The following HRH2 variants were observed in gnomAD, a reference collection of about 807,000 sequenced individuals.
HRH2 encodes the protein histamine H2 receptor.
A neutral mutation model predicts 20.1 loss-of-function variants in HRH2; 4 were observed. The ratio of observed to expected loss-of-function variants is 0.20; its 90% CI spans 0.10 to 0.45. The LOEUF is 0.45. Among genes scored for constraint, HRH2 ranks in the 20% least tolerant of loss-of-function variants. HRH2 has a pLI of 0.99. For missense variants in HRH2, 250 were observed against 461.6 expected (o/e 0.54, Z 4.20); for synonymous variants, 197 against 200.7 (o/e 0.98, Z 0.16).
At chr5:175,680,059 G>A (rs647384) in intron 1 of HRH2, among the ~76,000 whole-genome samples, 2,551 of 152,258 alleles carry the variant, frequency 0.017, 63 homozygotes, top group African/African-American at 0.052. Flanking sequence ...GCATGGTATC[G>A]CTTTGCCCAG....
In HRH2 at chr5:175,707,885, G is replaced by A. The variant is rs1581474650; in HGVS notation, c.1183G>A (p.Glu395Lys). The change falls in exon 3 of 3, where the codon GAG (glutamate) becomes AAG (lysine). Residue 395 changes from glutamate to lysine, a missense_variant. By Grantham distance (56) the Glu-to-Lys change is moderately conservative (BLOSUM62 1). Coordinates refer to ENST00000636584, the MANE Select transcript of HRH2 (RefSeq NM_001367711.1). ...GAGACACATGGGAGGCCCCTCGGAG[G>A]AGCTATCGGGGGAGCCACTGTCTGA... ...LQRHMGGPSE[E>K]LSGEPLSEEP... 6 of 399,236 alleles carry A rather than the reference G, an allele frequency of 1.5e-5. No individual in the cohort carries two copies. Among genetic ancestry groups the A allele is most frequent in the East Asian group, 1.1e-4 (3 of 28,082 alleles). The allele number at this position is 399,236 out of a possible 1,614,324, so 24.7% of individuals were successfully genotyped here.
At chr5:175,670,181 C>T (rs568338100) in intron 1 of HRH2, among the ~76,000 whole-genome samples, 2 of 152,278 alleles carry the variant, frequency 1.3e-5, no homozygotes, top group Admixed American at 1.3e-4. Flanking sequence ...GCCTGTAATC[C>T]CAGCTACTCA....
chr5:175,681,971 G>A lies in HRH2; in HGVS notation c.-525-738G>A, dbSNP rs1337368234. Reference sequence around the variant, plus strand: ...CTGGCTTTGTACAGCCCGTGGCTAAGAATGGTTTTTACATTTTTAAATTTT... The same window carrying A: ...CTGGCTTTGTACAGCCCGTGGCTAAAAATGGTTTTTACATTTTTAAATTTT... On this transcript the variant is annotated intron_variant, in intron 1 of 2. Transcript: ENST00000636584. This position sits in a 1 kb window ranked among gnomAD's most constrained non-coding sequence, Gnocchi z 4.3. 6.6e-6 allele frequency among the ~76,000 whole-genome samples: 1 copy of A among 152,198 alleles called. No individual in the cohort carries two copies. Among genetic ancestry groups the A allele is most frequent in the African/African-American group, 2.4e-5 (1 of 41,442 alleles).
chr5:175,683,776 G>T lies in HRH2; in HGVS notation c.543G>T (p.Val181=). 1 of 1,614,128 alleles carries T rather than the reference G, an allele frequency of 6.2e-7. No homozygotes were observed. Among genetic ancestry groups the T allele is most frequent in the Non-Finnish European group, 8.5e-7 (1 of 1,180,020 alleles). Residue 181 remains valine, a synonymous_variant, in exon 2 of 3, where the codon GTG becomes GTT. Coordinates refer to ENST00000636584, the MANE Select transcript of HRH2 (RefSeq NM_001367711.1). ...TSKCKVQVNE[V]YGLVDGLVTF... ...AGTGCAAAGTCCAGGTCAATGAAGT[G>T]TACGGGCTGGTGGATGGGCTGGTCA...
intron 2 of HRH2, chr5:175,685,795 A>G (rs1756152190): frequency 7.0e-6 from 3 of 428,648 alleles, no homozygotes; most frequent in South Asian, 6.3e-5. Context: ...ACATAAGTCC[A>G]CGCTGGAGCG....
chr5:175,668,382 A>AC (rs1429997228), intron 1 of HRH2, among the ~76,000 whole-genome samples: 8 of 151,614 alleles, frequency 5.3e-5, no homozygotes, highest in Admixed American at 3.3e-4. Context: ...TGAGGCAGAG[A>AC]CCCCCCCAGC....
chr5:175,665,579 C>T (rs1231120314), intron 1 of HRH2, among the ~76,000 whole-genome samples: 1 of 152,156 alleles, frequency 6.6e-6, no homozygotes, highest in Non-Finnish European at 1.5e-5. Context: ...TGCTTCCAGG[C>T]ACAGAGCACT....
chr5:175,691,257 G>C (rs1340131989), intron 2 of HRH2: 1 of 152,438 alleles, frequency 6.6e-6, no homozygotes, highest in Non-Finnish European at 1.5e-5. Context: ...TCCCACTCCT[G>C]GAGAGGAAGT....
At chr5:175,679,958 C>A (rs1474581294) in intron 1 of HRH2, among the ~76,000 whole-genome samples, 1 of 152,214 alleles carries the variant, frequency 6.6e-6, no homozygotes, top group East Asian at 1.9e-4. Flanking sequence ...CACCTGGCCT[C>A]TTTGAGCCTC....
intron 1 of HRH2, among the ~76,000 whole-genome samples, chr5:175,676,311 G>A (rs929268952): frequency 1.2e-4 from 19 of 152,204 alleles, no homozygotes; most frequent in Non-Finnish European, 2.6e-4. Context: ...TCTGGTATGC[G>A]CACATCCACG....
At chr5:175,694,006 G>A (rs1270605993) in intron 2 of HRH2, among the ~76,000 whole-genome samples, 1 of 152,188 alleles carries the variant, frequency 6.6e-6, no homozygotes, top group Non-Finnish European at 1.5e-5. Context: ...CTGACCTGGA[G>A]CGAGTGACTT....
intron 2 of HRH2, among the ~76,000 whole-genome samples, chr5:175,688,123 C>A (rs1756236892): frequency 6.6e-6 from 1 of 152,234 alleles, no homozygotes. Context: ...AGTCAGCTCT[C>A]TCCCTCTACC....
chr5:175,694,466 C>A (rs565449762), intron 2 of HRH2, among the ~76,000 whole-genome samples: 1 of 152,124 alleles, frequency 6.6e-6, no homozygotes, highest in African/African-American at 2.4e-5. Context: ...CTGGGCTCTC[C>A]CTGGCCCTAT....
intron 1 of HRH2, among the ~76,000 whole-genome samples, chr5:175,672,084 C>T (rs1755566203): frequency 6.6e-6 from 1 of 152,168 alleles, no homozygotes; most frequent in South Asian, 2.1e-4. Context: ...CACACAGTTG[C>T]TGGAAGAGAC....
intron 1 of HRH2, among the ~76,000 whole-genome samples, chr5:175,670,069 G>A (rs79509450): frequency 9.2e-5 from 14 of 152,284 alleles, no homozygotes; most frequent in African/African-American, 3.1e-4. Flanking sequence ...GTCACTCCCT[G>A]GTGGGCCTGT....
At chr5:175,676,122 C>A (rs1032331880) in intron 1 of HRH2, among the ~76,000 whole-genome samples, 1 of 152,264 alleles carries the variant, frequency 6.6e-6, no homozygotes, top group African/African-American at 2.4e-5. Flanking sequence ...CTGTCACGTG[C>A]ACGTTTACAC....
chr5:175,674,900 G>A (rs1755704373), intron 1 of HRH2, among the ~76,000 whole-genome samples: 1 of 152,216 alleles, frequency 6.6e-6, no homozygotes, highest in Admixed American at 6.5e-5. Flanking sequence ...GATGCAAGAT[G>A]TTTGTATGTT....
At chr5:175,663,030 C>T (rs544073700) in intron 1 of HRH2, among the ~76,000 whole-genome samples, 7 of 152,316 alleles carry the variant, frequency 4.6e-5, no homozygotes, top group African/African-American at 1.7e-4. Flanking sequence ...AATAATATTC[C>T]ATTATATGGA....
intron 2 of HRH2, among the ~76,000 whole-genome samples, chr5:175,696,778 T>C (rs1756600150): frequency 6.6e-6 from 1 of 152,156 alleles, no homozygotes; most frequent in Non-Finnish European, 1.5e-5. Context: ...TCTTCTAACC[T>C]CTCCTTGCCT....
Sources: allele counts gnomAD v4.1 joint callset (sites outside exome capture counted in the v4.1 genomes callset), GRCh38; gene constraint gnomAD v4.1.1; non-coding constraint Gnocchi (gnomAD v3.1); transcripts MANE v1.5; gene names NCBI Gene and HGNC (gene_info 2026-07-23, HGNC 2026-07-21).